Variants in SGCZ observed in about 807,000 individuals in gnomAD.
SGCZ encodes the protein zeta-sarcoglycan.
Under a neutral mutation model 41.3 loss-of-function variants are expected in SGCZ, and 40 were observed. That is an observed-to-expected ratio of 0.97 (90% CI 0.75 to 1.26). The LOEUF (loss-of-function observed/expected upper bound fraction) is 1.26, where lower values mean the gene tolerates loss of function less well. Ranked by LOEUF, SGCZ falls within the 50% of genes most tolerant of loss-of-function variation. The pLI is 0.00. For synonymous variants in SGCZ, 206 were observed against 137.5 expected (o/e 1.50, Z -3.49); for missense variants, 552 against 369.8 (o/e 1.49, Z -4.04).
In SGCZ at chr8:14,667,834, A is replaced by G. The variant is rs1048404642; in HGVS notation, c.40-112908T>C. ...AAAAAAGAGATGATAATGAAAAACAATTAGAATATTATTGCTAAAATAAAT... is the reference window on the plus strand; with the variant it reads ...AAAAAAGAGATGATAATGAAAAACAGTTAGAATATTATTGCTAAAATAAAT... On this transcript the variant is annotated intron_variant, in intron 1 of 7. Coordinates refer to ENST00000382080, the MANE Select transcript of SGCZ (RefSeq NM_139167.4). Among the ~76,000 whole-genome samples, 4 of 152,206 alleles carry G rather than the reference A, an allele frequency of 2.6e-5. No individual in the cohort carries two copies. In the South Asian group the frequency reaches 6.2e-4, roughly 24 times the overall value.
chr8:14,980,675 T>A (rs1431269281), intron 1 of SGCZ, among the ~76,000 whole-genome samples: 1 of 152,110 alleles, frequency 6.6e-6, no homozygotes, highest in Non-Finnish European at 1.5e-5. Flanking sequence ...AACCATCAGA[T>A]CTCATGAGAC....
intron 1 of SGCZ, among the ~76,000 whole-genome samples, chr8:15,092,188 T>C (rs1219344360): frequency 6.6e-6 from 1 of 152,212 alleles, no homozygotes; most frequent in Non-Finnish European, 1.5e-5. Flanking sequence ...AGTGACTCTA[T>C]AACCTTAGAC....
chr8:14,466,813 T>G (rs552491988), intron 2 of SGCZ, among the ~76,000 whole-genome samples: 19 of 151,998 alleles, frequency 1.3e-4, no homozygotes, highest in African/African-American at 4.6e-4. Flanking sequence ...TCTTTTAGGT[T>G]TCTATATTTT....
intron 1 of SGCZ, among the ~76,000 whole-genome samples, chr8:14,682,650 G>A (rs1409105874): frequency 5.3e-5 from 8 of 152,228 alleles, no homozygotes; most frequent in Middle Eastern, 3.4e-3. Flanking sequence ...TAGCCAGGAT[G>A]GTCTCGATCT....
rs1227327267 is a variant in SGCZ at position 14,992,734 on chromosome 8, C to T, written c.39+244851G>A. 8.1e-5 allele frequency among the ~76,000 whole-genome samples: 10 copies of T among 123,462 alleles called. 1 individual carries two copies. Among genetic ancestry groups the T allele is most frequent in the African/African-American group, 3.6e-4 (10 of 28,166 alleles). The allele number at this position is 123,462 out of a possible 152,430, so 81.0% of individuals were successfully genotyped here. On this transcript the variant is annotated intron_variant, in intron 1 of 7. Coordinates refer to ENST00000382080, the MANE Select transcript of SGCZ (RefSeq NM_139167.4). ...CTCCTCATTCAATCTACTCCCAAAACCAGTGTTCCCCCTTGATATTTACCC... is the reference window on the plus strand; with the variant it reads ...CTCCTCATTCAATCTACTCCCAAAATCAGTGTTCCCCCTTGATATTTACCC...
intron 2 of SGCZ, among the ~76,000 whole-genome samples, chr8:14,525,367 T>C (rs1390388694): frequency 6.6e-6 from 1 of 152,156 alleles, no homozygotes; most frequent in African/African-American, 2.4e-5. Flanking sequence ...TTCTGTCTTC[T>C]AAGGAGATGA....
chr8:14,338,485 T>G (rs12550119), intron 2 of SGCZ, among the ~76,000 whole-genome samples: 152,118 of 152,252 alleles, frequency 1, 75,992 homozygotes, highest in Middle Eastern at 1. Flanking sequence ...AATATCCTGC[T>G]TGGGGGCAGG....
intron 4 of SGCZ, among the ~76,000 whole-genome samples, chr8:14,170,554 C>T (rs1320160825): frequency 6.6e-6 from 1 of 152,084 alleles, no homozygotes; most frequent in Admixed American, 6.6e-5. Flanking sequence ...ATCTCTCTAT[C>T]CACTTCTATT....
At chr8:14,203,318 G>C (rs1023647995) in intron 4 of SGCZ, among the ~76,000 whole-genome samples, 1 of 152,152 alleles carries the variant, frequency 6.6e-6, no homozygotes, top group Non-Finnish European at 1.5e-5. Flanking sequence ...AAGAGTGTAG[G>C]AGATCTTTTC....
At chr8:14,803,541 C>G (rs796322544) in intron 1 of SGCZ, among the ~76,000 whole-genome samples, 1 of 152,020 alleles carries the variant, frequency 6.6e-6, no homozygotes, top group East Asian at 1.9e-4. Flanking sequence ...AACGGCGCAC[C>G]ACGAGATTAT....
At chr8:14,118,914 G>T (rs1323768432) in intron 5 of SGCZ, among the ~76,000 whole-genome samples, 10 of 152,092 alleles carry the variant, frequency 6.6e-5, no homozygotes, top group Non-Finnish European at 1.2e-4. Context: ...CCGTTGCATT[G>T]GTCTACATAT....
chr8:14,180,425 C>A (rs561264862), intron 4 of SGCZ, among the ~76,000 whole-genome samples: 1 of 152,088 alleles, frequency 6.6e-6, no homozygotes, highest in Non-Finnish European at 1.5e-5. Context: ...ATATGGGGAC[C>A]CCACTAATAA....
At chr8:15,164,615 C>T (rs1487669333) in intron 1 of SGCZ, among the ~76,000 whole-genome samples, 2 of 150,598 alleles carry the variant, frequency 1.3e-5, no homozygotes, top group Non-Finnish European at 2.9e-5. Flanking sequence ...TTCTCCACCC[C>T]ATCAGCAGTT....
At chr8:14,887,749 C>T (rs781213755) in intron 1 of SGCZ, among the ~76,000 whole-genome samples, 13 of 152,110 alleles carry the variant, frequency 8.5e-5, no homozygotes, top group Non-Finnish European at 1.6e-4. Flanking sequence ...AATAAACTCA[C>T]TAGAAATGTA....
intron 2 of SGCZ, among the ~76,000 whole-genome samples, chr8:14,551,510 TATATATTATATATAA>T (rs1563404387): frequency 0.013 from 105 of 8,110 alleles, 10 homozygotes; most frequent in African/African-American, 0.051. Context: ...ATATATATTA[TATATATTATATATAA>T]TATATATAAT....
chr8:14,270,756 A>G (rs548140255), intron 3 of SGCZ, among the ~76,000 whole-genome samples: 7 of 152,284 alleles, frequency 4.6e-5, no homozygotes, highest in Non-Finnish European at 7.4e-5. Flanking sequence ...GCGGTATAGT[A>G]TACATTCACA....
chr8:14,355,830 C>T (rs1053669327), intron 2 of SGCZ, among the ~76,000 whole-genome samples: 26 of 151,994 alleles, frequency 1.7e-4, no homozygotes, highest in Admixed American at 6.6e-5. Flanking sequence ...AGCAAATTCC[C>T]TGGTCTAGTG....
intron 1 of SGCZ, among the ~76,000 whole-genome samples, chr8:14,560,223 C>A (rs890505076): frequency 2.0e-5 from 3 of 151,936 alleles, no homozygotes; most frequent in African/African-American, 4.8e-5. Context: ...ATGTTCCCAA[C>A]ACAGATAAAA....
intron 1 of SGCZ, among the ~76,000 whole-genome samples, chr8:14,671,544 T>C (rs1044064888): frequency 6.6e-6 from 1 of 152,186 alleles, no homozygotes; most frequent in Non-Finnish European, 1.5e-5. Flanking sequence ...GGACTTATTT[T>C]GCAACTCTGT....
Sources: gnomAD v4.1 joint callset for allele counts (sites outside exome capture counted in the v4.1 genomes callset) on GRCh38, gnomAD v4.1.1 for gene constraint, MANE v1.5 for transcripts, NCBI Gene and HGNC (gene_info 2026-07-23, HGNC 2026-07-21) for gene names.